Variants in NELL1 observed in about 807,000 individuals in gnomAD.
The protein encoded by NELL1 is protein kinase C-binding protein NELL1.
Under a neutral mutation model 107.4 loss-of-function variants are expected in NELL1, and 76 were observed. The ratio of observed to expected loss-of-function variants is 0.71; its 90% CI spans 0.59 to 0.86. The LOEUF is 0.86. Among genes scored for constraint, NELL1 ranks in the 40% least tolerant of loss-of-function variants. The pLI, the probability that NELL1 is intolerant of heterozygous loss-of-function variation, is 0.00. For missense variants in NELL1, 1,024 were observed against 1,005.5 expected (o/e 1.02, Z -0.25); for synonymous variants, 353 against 341.2 (o/e 1.03, Z -0.38).
chr11:21,529,198 T>G (rs1855934491), intron 15 of NELL1, among the ~76,000 whole-genome samples: 1 of 152,186 alleles, frequency 6.6e-6, no homozygotes. Flanking sequence ...CAATACGTGA[T>G]TTCCAAGGTT....
Position 20,896,515 on chromosome 11 carries a change from G to A in NELL1, c.603+10975G>A, listed in dbSNP as rs1343433065. Among the ~76,000 whole-genome samples, 10 of 152,240 alleles carry A rather than the reference G, an allele frequency of 6.6e-5. No individual in the cohort carries two copies. In the East Asian group the frequency reaches 1.9e-3, roughly 29 times the overall value. On this transcript the variant is annotated intron_variant, in intron 5 of 19. Coordinates refer to ENST00000357134, the MANE Select transcript of NELL1 (RefSeq NM_006157.5). Reference sequence around the variant, plus strand: ...AGTAGTGGGATTGCTGGATCAAATGGTATTTCCACTTTTGGTTCTTTAAAG... The same window carrying A: ...AGTAGTGGGATTGCTGGATCAAATGATATTTCCACTTTTGGTTCTTTAAAG...
intron 13 of NELL1, among the ~76,000 whole-genome samples, chr11:21,135,956 C>A (rs1855736313): frequency 6.6e-6 from 1 of 152,174 alleles, no homozygotes; most frequent in Non-Finnish European, 1.5e-5. Context: ...TTGGTCTCTG[C>A]CATTGTGGAG....
intron 12 of NELL1, among the ~76,000 whole-genome samples, chr11:20,988,607 CTT>C (rs906224990): frequency 7.0e-6 from 1 of 143,830 alleles, no homozygotes; most frequent in Non-Finnish European, 1.5e-5. Context: ...TTGTTCTTTT[CTT>C]TTTTTTTTTG....
intron 14 of NELL1, 73 bp downstream of exon 14, chr11:21,229,527 C>T (rs763456286): frequency 6.3e-7 from 1 of 1,593,538 alleles, no homozygotes; most frequent in Non-Finnish European, 8.6e-7. Context: ...TGCGTCGGAC[C>T]TTCTTGGTAA....
intron 3 of NELL1, among the ~76,000 whole-genome samples, chr11:20,797,361 G>A (rs887970207): frequency 1.3e-5 from 2 of 151,822 alleles, no homozygotes; most frequent in Admixed American, 6.6e-5. Context: ...TCAGGAGATC[G>A]AGACCATCCT....
At chr11:21,243,194 A>G (rs1858406530) in intron 14 of NELL1, among the ~76,000 whole-genome samples, 1 of 152,184 alleles carries the variant, frequency 6.6e-6, no homozygotes, top group South Asian at 2.1e-4. Context: ...ACAGTTTATA[A>G]TTTATTTTAG....
At chr11:21,431,064 T>C (rs1029777353) in intron 15 of NELL1, among the ~76,000 whole-genome samples, 9 of 152,152 alleles carry the variant, frequency 5.9e-5, no homozygotes, top group Non-Finnish European at 1.3e-4. Context: ...TTTGACATTA[T>C]GGAGCTAATC....
intron 12 of NELL1, among the ~76,000 whole-genome samples, chr11:21,083,690 T>G (rs1854321124): frequency 6.6e-6 from 1 of 152,166 alleles, no homozygotes; most frequent in Non-Finnish European, 1.5e-5. Context: ...TATGTATATG[T>G]CCCTGTCAGC....
chr11:21,145,710 G>A (rs145798908), intron 13 of NELL1, among the ~76,000 whole-genome samples: 80 of 152,198 alleles, frequency 5.3e-4, no homozygotes, highest in African/African-American at 1.5e-3. Flanking sequence ...CTGGGGGCCC[G>A]TCCTTAACCT....
rs535363949 is a variant in NELL1 at position 21,565,717 on chromosome 11, A to T, written c.1981-5047A>T. 3.9e-5 allele frequency among the ~76,000 whole-genome samples: 6 copies of T among 152,048 alleles called. 1 individual carries two copies. Among genetic ancestry groups the T allele is most frequent in the African/African-American group, 1.4e-4 (6 of 41,534 alleles). Reference sequence around the variant, plus strand: ...GTTATGAAAGTTCAGGTTAGGGATAAGTTTCTGTTTTGTTATTAGTTTTCT... The same window carrying T: ...GTTATGAAAGTTCAGGTTAGGGATATGTTTCTGTTTTGTTATTAGTTTTCT... On this transcript the variant is annotated intron_variant, in intron 17 of 19. Coordinates refer to ENST00000357134, the MANE Select transcript of NELL1 (RefSeq NM_006157.5).
chr11:21,510,754 A>G (rs1277457506), intron 15 of NELL1, among the ~76,000 whole-genome samples: 2 of 151,428 alleles, frequency 1.3e-5, no homozygotes, highest in African/African-American at 4.9e-5. Context: ...CCTTTGGACC[A>G]CTCTGTGCAT....
At chr11:21,200,667 G>A (rs927239360) in intron 13 of NELL1, among the ~76,000 whole-genome samples, 3 of 152,144 alleles carry the variant, frequency 2.0e-5, no homozygotes, top group Admixed American at 6.5e-5. Flanking sequence ...TTTGGCTTTT[G>A]TTGCCATTGC....
chr11:21,218,202 A>G (rs1290125161), intron 13 of NELL1, among the ~76,000 whole-genome samples: 1 of 152,140 alleles, frequency 6.6e-6, no homozygotes, highest in Non-Finnish European at 1.5e-5. Flanking sequence ...CCTGGGGACT[A>G]TAATTGATTC....
intron 3 of NELL1, among the ~76,000 whole-genome samples, chr11:20,814,816 C>G (rs1203516973): frequency 6.6e-6 from 1 of 152,056 alleles, no homozygotes; most frequent in Non-Finnish European, 1.5e-5. Flanking sequence ...GATATATACC[C>G]AGTAAAGGGA....
At chr11:21,150,783 AC>A (rs1856097571) in intron 13 of NELL1, among the ~76,000 whole-genome samples, 1 of 152,162 alleles carries the variant, frequency 6.6e-6, no homozygotes, top group Non-Finnish European at 1.5e-5. Flanking sequence ...TCATTCTCAC[AC>A]TGCTATAAAG....
At chr11:21,160,699 A>AAT (rs1856344984) in intron 13 of NELL1, among the ~76,000 whole-genome samples, 1 of 152,174 alleles carries the variant, frequency 6.6e-6, no homozygotes, top group Non-Finnish European at 1.5e-5. Context: ...AGTTTTGAGC[A>AAT]ATGGATATTC....
intron 12 of NELL1, among the ~76,000 whole-genome samples, chr11:21,052,270 C>CCTTTTG (rs1853511602): frequency 6.6e-6 from 1 of 151,972 alleles, no homozygotes; most frequent in African/African-American, 2.4e-5. Flanking sequence ...CATTGTAAGA[C>CCTTTTG]CTTTTGCTTT....
chr11:21,492,404 C>A (rs1196005281), intron 15 of NELL1, among the ~76,000 whole-genome samples: 1 of 151,882 alleles, frequency 6.6e-6, no homozygotes, highest in Non-Finnish European at 1.5e-5. Flanking sequence ...GGGTATATAC[C>A]CAAAGGACTA....
intron 15 of NELL1, among the ~76,000 whole-genome samples, chr11:21,374,276 C>A (rs1851418063): frequency 6.6e-6 from 1 of 151,906 alleles, no homozygotes; most frequent in African/African-American, 2.4e-5. Flanking sequence ...AGCTCAGGGA[C>A]TTTTATGAGA....
Sources: gnomAD v4.1 joint callset for allele counts (sites outside exome capture counted in the v4.1 genomes callset) on GRCh38, gnomAD v4.1.1 for gene constraint, MANE v1.5 for transcripts, NCBI Gene and HGNC (gene_info 2026-07-23, HGNC 2026-07-21) for gene names.